SUMF1: variants seen among roughly 807,000 people sequenced by gnomAD.
The protein encoded by SUMF1 is formylglycine-generating enzyme.
In SUMF1, 48 loss-of-function variants were observed where a neutral mutation model predicts 47.6. That is an observed-to-expected ratio of 1.01 (90% confidence interval 0.80 to 1.28). The LOEUF is 1.28. SUMF1 is among the 50% of genes most tolerant of loss of function. The pLI is 0.00. For synonymous variants in SUMF1, 230 were observed against 192.1 expected (o/e 1.20, Z -1.63); for missense variants, 571 against 485.4 (o/e 1.18, Z -1.66).
At chr3:4,365,361 G>GT (rs1699916768) in intron 8 of SUMF1, among the ~76,000 whole-genome samples, 1 of 122,404 alleles carries the variant, frequency 8.2e-6, no homozygotes, top group Non-Finnish European at 1.9e-5. Context: ...AAGTCTCTTT[G>GT]TAGGTCACTC....
chr3:4,096,544 T>G (rs542914943), intron 8 of SUMF1, among the ~76,000 whole-genome samples: 101 of 152,272 alleles, frequency 6.6e-4, no homozygotes, highest in Non-Finnish European at 1.2e-3. Flanking sequence ...ACAGCCATTG[T>G]GCACAGCAGC....
At chr3:4,268,036 A>C (rs573966453) in intron 8 of SUMF1, among the ~76,000 whole-genome samples, 7 of 152,314 alleles carry the variant, frequency 4.6e-5, no homozygotes, top group Non-Finnish European at 7.4e-5. Flanking sequence ...TACATATACA[A>C]CATGGAATAC....
chr3:4,403,802 G>A (rs1423806124), intron 7 of SUMF1, among the ~76,000 whole-genome samples: 2 of 152,138 alleles, frequency 1.3e-5, no homozygotes, highest in Non-Finnish European at 2.9e-5. Context: ...CAGCTGTCAG[G>A]GGTATCAAAG....
At chr3:4,454,866 T>C (rs1429866579) in intron 1 of SUMF1, among the ~76,000 whole-genome samples, 1 of 152,178 alleles carries the variant, frequency 6.6e-6, no homozygotes, top group East Asian at 1.9e-4. Flanking sequence ...ATGTCCAGAA[T>C]AGGCAAATCC....
intron 8 of SUMF1, among the ~76,000 whole-genome samples, chr3:4,328,328 A>G (rs1698986089): frequency 6.6e-6 from 1 of 152,202 alleles, no homozygotes; most frequent in East Asian, 1.9e-4. Context: ...CCCAAACAAT[A>G]CAATCAAAAT....
At chr3:4,307,643 G>A (rs1033344877) in intron 8 of SUMF1, among the ~76,000 whole-genome samples, 2 of 152,106 alleles carry the variant, frequency 1.3e-5, no homozygotes, top group African/African-American at 2.4e-5. Context: ...TCATTTTGCC[G>A]TGATTGTTTT....
chr3:4,436,265 G>A (rs1295137257), intron 3 of SUMF1, among the ~76,000 whole-genome samples: 1 of 152,136 alleles, frequency 6.6e-6, no homozygotes, highest in Non-Finnish European at 1.5e-5. Flanking sequence ...AGTCTATATG[G>A]TTATAGGACA....
chr3:4,211,962 AGGGACAGAGCACCTG>A (rs1374267306), intron 8 of SUMF1, among the ~76,000 whole-genome samples: 1 of 152,190 alleles, frequency 6.6e-6, no homozygotes, highest in Non-Finnish European at 1.5e-5. Context: ...CCCATCTCCC[AGGGACAGAGCACCTG>A]GGGAAGGGGT....
intron 6 of SUMF1, among the ~76,000 whole-genome samples, chr3:4,416,573 G>A (rs1014907391): frequency 4.6e-5 from 7 of 152,210 alleles, no homozygotes; most frequent in African/African-American, 1.4e-4. Flanking sequence ...GAAATAAACC[G>A]ACCTGGTTCA....
chr3:4,226,260 GTTTCT>G (rs1574996663), intron 8 of SUMF1, among the ~76,000 whole-genome samples: 4 of 110,710 alleles, frequency 3.6e-5, no homozygotes, highest in South Asian at 3.0e-4. Flanking sequence ...TTTTTTTTTT[GTTTCT>G]TTTTTTTTTT....
intron 8 of SUMF1, among the ~76,000 whole-genome samples, chr3:4,180,683 A>AACAC (rs59921396): frequency 7.2e-6 from 1 of 139,642 alleles, no homozygotes; most frequent in Non-Finnish European, 1.5e-5. Flanking sequence ...CCTAGAACTT[A>AACAC]ACACACACAC....
At chr3:4,457,065 T>TATACGTGTATGTAC (rs1324007345) in intron 1 of SUMF1, among the ~76,000 whole-genome samples, 1 of 119,234 alleles carries the variant, frequency 8.4e-6, no homozygotes, top group South Asian at 2.4e-4. Context: ...TGTGTATATA[T>TATACGTGTATGTAC]ATATATATAC....
At chr3:4,220,924 G>A (rs1454218520) in intron 8 of SUMF1, among the ~76,000 whole-genome samples, 2 of 152,102 alleles carry the variant, frequency 1.3e-5, no homozygotes, top group East Asian at 1.9e-4. Context: ...TATATAAAAT[G>A]TCTCTAAGAG....
chr3:4,144,942 G>A (rs1015618964), intron 8 of SUMF1, among the ~76,000 whole-genome samples: 1 of 152,116 alleles, frequency 6.6e-6, no homozygotes, highest in African/African-American at 2.4e-5. Context: ...GCTCACGCCT[G>A]TAATCCCAGC....
Position 4,365,310 on chromosome 3 carries a change from G to A in SUMF1, c.1015-3056C>T, listed in dbSNP as rs938989130. Among the ~76,000 whole-genome samples the A allele has an allele frequency of 3.3e-5, 4 of 122,348 alleles. 1 individual carries two copies. Among genetic ancestry groups the A allele is most frequent in the East Asian group, 2.1e-4 (1 of 4,688 alleles). The allele number at this position is 122,348 out of a possible 152,430, so 80.3% of individuals were successfully genotyped here. A position where few individuals can be genotyped will look rare whatever the true frequency, so the allele number is the denominator to read the frequency against. On this transcript the variant is annotated intron_variant, in intron 8 of 8. Coordinates refer to ENST00000272902, the MANE Select transcript of SUMF1 (RefSeq NM_182760.4). ...CTCGTTGATCTGTCTAATGTTGACA[G>A]TGGGGTGTTAAAGTCTCCCATTATT... is the stretch of plus-strand genomic sequence containing the variant.
chr3:4,054,738 G>A (rs1695163314), intron 9 of SUMF1, among the ~76,000 whole-genome samples: 1 of 152,104 alleles, frequency 6.6e-6, no homozygotes, highest in South Asian at 2.1e-4. Flanking sequence ...CAGAGAAACT[G>A]ATAAATAAAC....
chr3:4,250,179 AG>A (rs1231572868), intron 8 of SUMF1, among the ~76,000 whole-genome samples: 1 of 145,982 alleles, frequency 6.9e-6, no homozygotes, highest in East Asian at 2.2e-4. Context: ...CAAGAAACGG[AG>A]GGGGAAGGGG....
intron 6 of SUMF1, among the ~76,000 whole-genome samples, chr3:4,411,688 A>T (rs1400643929): frequency 6.9e-6 from 1 of 144,442 alleles, no homozygotes; most frequent in Non-Finnish European, 1.5e-5. Context: ...TTTTTATAAA[A>T]GGGGGGAGAG....
chr3:4,184,795 C>A (rs990622293), intron 8 of SUMF1, among the ~76,000 whole-genome samples: 1 of 151,782 alleles, frequency 6.6e-6, no homozygotes, highest in Non-Finnish European at 1.5e-5. Context: ...ATTACAGGCA[C>A]CTGCCACCAT....
Sources: allele counts gnomAD v4.1 joint callset (sites outside exome capture counted in the v4.1 genomes callset), GRCh38; gene constraint gnomAD v4.1.1; transcripts MANE v1.5; gene names NCBI Gene and HGNC (gene_info 2026-07-23, HGNC 2026-07-21).